CAND1: variants seen among roughly 807,000 people sequenced by gnomAD.
CAND1 encodes cullin associated and neddylation dissociated 1.
Under a neutral mutation model 108.5 loss-of-function variants are expected in CAND1, and 7 were observed. The ratio of observed to expected loss-of-function variants is 0.06; its 90% CI spans 0.04 to 0.12. The LOEUF (loss-of-function observed/expected upper bound fraction) is 0.12. Among genes scored for constraint, CAND1 ranks in the 10% least tolerant of loss-of-function variants. The pLI, the probability that CAND1 is intolerant of heterozygous loss-of-function variation, is 1.00. For missense variants in CAND1, 941 were observed against 1,448.7 expected, an observed-to-expected ratio of 0.65 and a Z score of 5.69; for synonymous variants, 534 against 512.0, an observed-to-expected ratio of 1.04 and a Z score of -0.58.
At position 67,281,897 on chromosome 12, in the gene CAND1, A is replaced by T; in HGVS notation, c.69-13A>T. 1.3e-6 allele frequency: 2 copies of T among 1,551,704 alleles called. No homozygotes were observed. Among genetic ancestry groups the T allele is most frequent in the Non-Finnish European group, 8.7e-7 (1 of 1,154,968 alleles). On this transcript the variant is annotated splice_polypyrimidine_tract_variant and intron_variant, in intron 1 of 14. Coordinates refer to ENST00000545606, the MANE Select transcript of CAND1 (RefSeq NM_018448.5). ...TAAAATTTTCAAATTAACAAATTTTATTTTTTTGATAGGTTTATGGCTACA... is the reference window on the plus strand; with the variant it reads ...TAAAATTTTCAAATTAACAAATTTTTTTTTTTTGATAGGTTTATGGCTACA...
chr12:67,279,428 G>T (rs1049147645), intron 1 of CAND1, among the ~76,000 whole-genome samples: 2 of 152,140 alleles, frequency 1.3e-5, no homozygotes, highest in African/African-American at 2.4e-5. Context: ...AAGATTAATA[G>T]TGTAAATTTT....
intron 6 of CAND1, 149 bp from the exon 7 acceptor site, chr12:67,298,801 C>T (rs1473640999): frequency 1.7e-6 from 1 of 574,580 alleles, no homozygotes; most frequent in Non-Finnish European, 3.1e-6. Context: ...ATAGTAAGTC[C>T]ATGGGAGAGA....
chr12:67,309,056 C>T (rs2044921069), intron 11 of CAND1, among the ~76,000 whole-genome samples: 1 of 151,994 alleles, frequency 6.6e-6, no homozygotes, highest in Non-Finnish European at 1.5e-5. Flanking sequence ...GTGTACTAGA[C>T]ATTGTCTTCA....
rs776326660 is a variant in CAND1, at chr12:67,269,671, G to C, written c.-47G>C. On this transcript the variant is annotated 5_prime_UTR_variant, in exon 1 of 15. Transcript: ENST00000545606. ...CGGCGGCGGCGGCGGCAGCGGCAGC[G>C]GGCAGCAGCTCCAGCAGCGCCAGCA... 2.3e-5 allele frequency: 36 copies of C among 1,533,756 alleles called. No homozygotes were observed. In the East Asian group the frequency reaches 8.2e-4, roughly 35 times the overall value.
At chr12:67,270,889 A>G (rs1218011734) in intron 1 of CAND1, 1 of 152,200 alleles carries the variant, frequency 6.6e-6, no homozygotes, top group African/African-American at 2.4e-5. Context: ...TCTTCAACTA[A>G]AATTGTGACT....
intron 3 of CAND1, among the ~76,000 whole-genome samples, chr12:67,293,999 T>C (rs942225858): frequency 1.3e-5 from 2 of 152,164 alleles, no homozygotes; most frequent in Non-Finnish European, 2.9e-5. Context: ...TTCAAATCCA[T>C]TTTCTTTTAA....
intron 3 of CAND1, chr12:67,293,053 T>G (rs2044736470): frequency 2.9e-6 from 1 of 343,940 alleles, no homozygotes; most frequent in Non-Finnish European, 5.3e-6. Flanking sequence ...GTACCATGAC[T>G]GCAGACTAGA....
chr12:67,309,608 A>G (rs190971257), intron 11 of CAND1, among the ~76,000 whole-genome samples: 2 of 152,120 alleles, frequency 1.3e-5, no homozygotes, highest in East Asian at 3.9e-4. Context: ...TCTTATATCT[A>G]TAGAAGTGAT....
In CAND1 at chr12:67,316,531, CTACTGAAGTGAGTAATGCATATAATTT is replaced by C. The variant is rs552951843; in HGVS notation, c.*3706_*3732del. Reference sequence around the variant, plus strand: ...AGAAAGTTAGCTCTGAATCCAAAAACTACTGAAGTGAGTAATGCATATAATTTTACTTTTTTGGACCCTATAATGCCA... The same window carrying C: ...AGAAAGTTAGCTCTGAATCCAAAAACTACTTTTTTGGACCCTATAATGCCA... On this transcript the variant is annotated 3_prime_UTR_variant, in exon 15 of 15. Coordinates refer to ENST00000545606, the MANE Select transcript of CAND1 (RefSeq NM_018448.5). 9.5e-4 allele frequency: 145 copies of C among 152,328 alleles called. No individual in the cohort carries two copies. Among genetic ancestry groups the C allele is most frequent in the African/African-American group, 3.3e-3 (138 of 41,562 alleles). The allele number at this position is 152,328 out of a possible 1,614,324, so 9.4% of individuals were successfully genotyped here. A position where few individuals can be genotyped will look rare whatever the true frequency, so the allele number is the denominator to read the frequency against.
rs1331760211 is a variant in CAND1, at chr12:67,306,112, C to T, written c.2444C>T (p.Pro815Leu). 1.2e-6 allele frequency: 2 copies of T among 1,614,120 alleles called. No homozygotes were observed. The highest frequency in any genetic ancestry group is 1.7e-5 in the Admixed American group (1 of 60,002). The change falls in exon 10 of 15, where the codon CCA becomes CTA. Residue 815 changes from proline (P) to leucine (L), a missense_variant. Physicochemically the swap from Pro to Leu is moderately conservative, Grantham distance 98 (BLOSUM62 -3). Coordinates refer to ENST00000545606, the MANE Select transcript of CAND1 (RefSeq NM_018448.5). ...ACTCGAGCATGCCCTAAAGAGGGAC[C>T]AGCTGTAGTAGGTCAGTTTATTCAA... is the stretch of plus-strand genomic sequence containing the variant. ...ALTRACPKEG[P>L]AVVGQFIQDV... is the part of the protein sequence containing the mutation.
intron 5 of CAND1, 22 bp downstream of exon 5, chr12:67,297,685 T>C: frequency 6.3e-7 from 1 of 1,596,878 alleles, no homozygotes; most frequent in South Asian, 1.1e-5. Context: ...TTAAAAGTTT[T>C]ACAGTTTTCT....
chr12:67,317,422 C>T lies in CAND1; in HGVS notation c.*4592C>T, dbSNP rs545708929. 1.3e-5 allele frequency: 2 copies of T among 151,712 alleles called. No individual in the cohort carries two copies. Among genetic ancestry groups the T allele is most frequent in the Non-Finnish European group, 2.9e-5 (2 of 68,000 alleles). 9.4% of individuals were successfully genotyped at this position (151,712 alleles called of 1,614,324 possible). On this transcript the variant is annotated 3_prime_UTR_variant, in exon 15 of 15. Transcript: ENST00000545606. ...CTGCTGAGATTATTGCAAGTGCCTC[C>T]TTGCCCAGCCACATGTTGTTGATTT...
intron 1 of CAND1, among the ~76,000 whole-genome samples, chr12:67,273,183 T>G (rs2044537795): frequency 6.6e-6 from 1 of 152,208 alleles, no homozygotes; most frequent in Non-Finnish European, 1.5e-5. Flanking sequence ...GAAACATTCC[T>G]TGGGACAGTA....
chr12:67,291,776 A>G (rs1303574849), intron 2 of CAND1, among the ~76,000 whole-genome samples: 1 of 152,128 alleles, frequency 6.6e-6, no homozygotes, highest in Non-Finnish European at 1.5e-5. Context: ...AGGGTTTTGA[A>G]TTTTTAGATG....
chr12:67,282,137 C>G (rs2044625473), intron 2 of CAND1, 84 bp downstream of exon 2: 1 of 1,388,464 alleles, frequency 7.2e-7, no homozygotes, highest in South Asian at 1.2e-5. Context: ...AGTAAATTAT[C>G]TTAGCCTTGT....
At position 67,269,581 on chromosome 12, in the gene CAND1, C is replaced by A. The variant is rs1449477930; in HGVS notation, c.-137C>A. ...CCCGTCGAGGCGCCTCCCTAGTCAG[C>A]GTCGGCGTCGCGCTGCGACCCTGGA... is the stretch of plus-strand genomic sequence containing the variant. On this transcript the variant is annotated 5_prime_UTR_variant, in exon 1 of 15. Coordinates refer to ENST00000545606, the MANE Select transcript of CAND1 (RefSeq NM_018448.5). 1.5e-6 allele frequency: 1 copy of A among 672,702 alleles called. No homozygotes were observed. Among genetic ancestry groups the A allele is most frequent in the Non-Finnish European group, 2.5e-6 (1 of 404,492 alleles). 41.7% of individuals were successfully genotyped at this position (672,702 alleles called of 1,614,324 possible).
Position 67,310,037 on chromosome 12 carries a change from T to C in CAND1, c.3162T>C (p.Asn1054=). 1 of 1,612,260 alleles carries C rather than the reference T, an allele frequency of 6.2e-7. No homozygotes were observed. The highest frequency in any genetic ancestry group is 8.5e-7 in the Non-Finnish European group (1 of 1,178,898). Residue 1054 remains asparagine (N), a synonymous_variant, in exon 12 of 15, where the codon AAT becomes AAC. Coordinates refer to ENST00000545606, the MANE Select transcript of CAND1 (RefSeq NM_018448.5). ...ATACTGTTCTTCCACATCTTTACAA[T>C]GAAACAAAAGTTAGAAAGGAGCTTA... ...LLDTVLPHLY[N]ETKVRKELIR... is the part of the protein sequence containing the mutation.
chr12:67,305,357 T>A lies in CAND1; in HGVS notation c.1689T>A (p.Pro563=). Residue 563 remains proline (P), a synonymous_variant, in exon 10 of 15, where the codon CCT becomes CCA. Coordinates refer to ENST00000545606, the MANE Select transcript of CAND1 (RefSeq NM_018448.5). The surrounding 1 kb of genome is among the most constrained non-coding windows in gnomAD (Gnocchi z 4.4). Reference sequence around the variant, plus strand: ...AGCCTTCCTCGTTTGATGCAACTCCTTATATCAAAGATCTATTTACCTGTA... The same window carrying A: ...AGCCTTCCTCGTTTGATGCAACTCCATATATCAAAGATCTATTTACCTGTA... ...LDQPSSFDAT[P]YIKDLFTCTI... 6.2e-7 allele frequency: 1 copy of A among 1,614,156 alleles called. No homozygotes were observed. The highest frequency in any genetic ancestry group is 1.1e-5 in the South Asian group (1 of 91,082).
intron 1 of CAND1, among the ~76,000 whole-genome samples, chr12:67,277,833 C>A (rs2044584047): frequency 6.6e-6 from 1 of 152,054 alleles, no homozygotes; most frequent in Non-Finnish European, 1.5e-5. Context: ...TCATTGATTG[C>A]CATAACCTAA....
Sources: allele counts gnomAD v4.1 joint callset (sites outside exome capture counted in the v4.1 genomes callset), GRCh38; gene constraint gnomAD v4.1.1; non-coding constraint Gnocchi (gnomAD v3.1); transcripts MANE v1.5; gene names NCBI Gene and HGNC (gene_info 2026-07-23, HGNC 2026-07-21).